The following GTF3C1 variants were observed in gnomAD, a reference collection of about 807,000 sequenced individuals.
GTF3C1 encodes the protein general transcription factor IIIC subunit 1, also known as general transcription factor 3C polypeptide 1.
Under a neutral mutation model 226.7 loss-of-function variants are expected in GTF3C1, and 57 were observed. The ratio of observed to expected loss-of-function variants is 0.25; its 90% CI spans 0.20 to 0.31. The LOEUF (loss-of-function observed/expected upper bound fraction) is 0.31. GTF3C1 is among the 10% of genes least tolerant of loss of function. The pLI is 1.00. For synonymous variants in GTF3C1, 1,090 were observed against 1,084.8 expected (o/e 1.00, Z -0.09); for missense variants, 2,217 against 2,776.1 (o/e 0.80, Z 4.53).
rs775470408 is a variant in GTF3C1, at chr16:27,495,339, T to G, written c.2504A>C (p.Glu835Ala). The G allele has an allele frequency of 6.2e-7, 1 of 1,614,130 alleles. No individual in the cohort carries two copies. Among genetic ancestry groups the G allele is most frequent in the Non-Finnish European group, 8.5e-7 (1 of 1,179,976 alleles). The change falls in exon 15 of 37, where the codon GAG becomes GCG. Residue 835 changes from glutamate to alanine, a missense_variant. This residue lies in a region of GTF3C1 where 353 missense variants were observed against 411.7 expected (regional missense o/e 0.86). Coordinates refer to ENST00000356183, the MANE Select transcript of GTF3C1 (RefSeq NM_001520.4). The stretch of plus-strand genomic sequence containing the variant: ...CGGCCGGACGCCTGCCCTGCCTGAC[T>G]CCTGCTTTATCGTTCTCCGTTCACT... ...FISERRTIKQESGRAGVRPSS... is the reference protein window; with the variant it reads ...FISERRTIKQASGRAGVRPSS...
Position 27,494,630 on chromosome 16 carries a change from T to C in GTF3C1, c.2778+133A>G, listed in dbSNP as rs1467304932. On this transcript the variant is annotated intron_variant, in intron 16 of 36. Coordinates refer to ENST00000356183, the MANE Select transcript of GTF3C1 (RefSeq NM_001520.4). ...TTTCCCTTGAATGAGCATCTGCCTA[T>C]CCATCTATCCACCAATCCATTCATC... 16 of 641,016 alleles carry C rather than the reference T, an allele frequency of 2.5e-5. No individual in the cohort carries two copies. In the East Asian group the frequency reaches 3.9e-4, roughly 16 times the overall value. The allele number at this position is 641,016 out of a possible 1,614,324, so 39.7% of individuals were successfully genotyped here.
At chr16:27,549,913 CG>C (rs1360809480), upstream of GTF3C1, 2 of 1,589,956 alleles carry the variant, frequency 1.3e-6, no homozygotes. Context: ...CGGCGGCGCC[CG>C]GGGCGCATGC....
At chr16:27,532,690 C>T (rs2088937206) in intron 5 of GTF3C1, among the ~76,000 whole-genome samples, 1 of 152,140 alleles carries the variant, frequency 6.6e-6, no homozygotes, top group Non-Finnish European at 1.5e-5. Flanking sequence ...CCACTGGGAA[C>T]AAGATCATAA....
chr16:27,487,776 G>C (rs1444827019), intron 23 of GTF3C1, among the ~76,000 whole-genome samples: 1 of 151,928 alleles, frequency 6.6e-6, no homozygotes, highest in South Asian at 2.1e-4. Context: ...CTGGGCAACA[G>C]AGTGAGACTC....
chr16:27,519,386 A>G (rs553217624), intron 6 of GTF3C1, among the ~76,000 whole-genome samples: 1 of 152,306 alleles, frequency 6.6e-6, no homozygotes, highest in African/African-American at 2.4e-5. Flanking sequence ...TGCAGTGGAC[A>G]TGGAAGCTGG....
intron 16 of GTF3C1, among the ~76,000 whole-genome samples, chr16:27,494,422 A>C (rs1009417746): frequency 1.3e-5 from 2 of 150,432 alleles, no homozygotes; most frequent in African/African-American, 4.9e-5. Context: ...ACAAAAAAAA[A>C]AAACAAAAAA....
chr16:27,489,121 T>C lies in GTF3C1; in HGVS notation c.3351A>G (p.Ala1117=), dbSNP rs2088191521. The stretch of plus-strand genomic sequence containing the variant: ...GTCCGTAGAAGCTGGAATCGAGCCC[T>C]GCGGCACCCAGCCCATCTCCAGGGA... ...GLIPGDGLGA[A]GLDSSFYGHL... Residue 1117 remains alanine (A), a synonymous_variant, in exon 21 of 37, where the codon GCA becomes GCG. Transcript: ENST00000356183. The C allele has an allele frequency of 1.2e-6, 2 of 1,613,976 alleles. No individual in the cohort carries two copies. The highest frequency in any genetic ancestry group is 1.3e-5 in the African/African-American group (1 of 75,030).
rs1252028064 is a variant in GTF3C1 at position 27,464,686 on chromosome 16, G to T, written c.5506C>A (p.Pro1836Thr). 1.3e-6 allele frequency: 2 copies of T among 1,592,478 alleles called. No homozygotes were observed. Among genetic ancestry groups the T allele is most frequent in the Admixed American group, 1.8e-5 (1 of 57,034 alleles). The part of the protein sequence containing the change: ...DIQREDPQAR[P>T]LEGSSSEDSP... ...TCCTCACTGGAAGACCCCTCCAGGGGTCTGGCCTGGGGGTCTTCTCTCTGG... is the reference window on the plus strand; with the variant it reads ...TCCTCACTGGAAGACCCCTCCAGGGTTCTGGCCTGGGGGTCTTCTCTCTGG... Residue 1836 changes from proline to threonine, a missense_variant, in exon 34 of 37, where the codon CCC becomes ACC. By Grantham distance (38) the Pro-to-Thr change is conservative (BLOSUM62 -1). Around this residue, in one of 12 missense-constraint regions of GTF3C1, gnomAD observed 455 missense variants for 441.9 expected, o/e 1.03. Transcript: ENST00000356183.
chr16:27,488,145 G>T, intron 23 of GTF3C1, 82 bp downstream of exon 23: 2 of 1,242,956 alleles, frequency 1.6e-6, no homozygotes, highest in African/African-American at 1.5e-5. Context: ...CAGAGCTCAG[G>T]CCTGGCTGGA....
Position 27,508,474 on chromosome 16 carries a change from C to T in GTF3C1, c.1242+66G>A, listed in dbSNP as rs1443334084. On this transcript the variant is annotated intron_variant, in intron 8 of 36. Transcript: ENST00000356183. ...CATCGAGTCTTCTGACTGAGATGCT[C>T]GTTCTCAAATACACTGCAAGCACCT... The T allele has an allele frequency of 4.5e-5, 56 of 1,237,842 alleles. 1 individual carries two copies. The highest frequency in any genetic ancestry group is 1.9e-4 in the Middle Eastern group (1 of 5,356). 76.7% of individuals were successfully genotyped at this position (1,237,842 alleles called of 1,614,324 possible).
chr16:27,469,067 G>A lies in GTF3C1; in HGVS notation c.5074+224C>T, dbSNP rs1051422791. On this transcript the variant is annotated intron_variant, in intron 32 of 36. Coordinates refer to ENST00000356183, the MANE Select transcript of GTF3C1 (RefSeq NM_001520.4). The surrounding 1 kb of genome is among the most constrained non-coding windows in gnomAD (Gnocchi z 4.5). ...GCCTGCAGCACAGCTGTGACTAAAA[G>A]AGGCGGTGCGGGGAGCTTTCCCACA... is the stretch of plus-strand genomic sequence containing the variant. 5.9e-5 allele frequency among the ~76,000 whole-genome samples: 9 copies of A among 152,254 alleles called. No individual in the cohort carries two copies. The highest frequency in any genetic ancestry group is 1.9e-4 in the African/African-American group (8 of 41,472).
At chr16:27,498,926 G>C (rs1291132704) in intron 12 of GTF3C1, among the ~76,000 whole-genome samples, 193 bp from the exon 13 acceptor site, 1 of 152,196 alleles carries the variant, frequency 6.6e-6, no homozygotes, top group Non-Finnish European at 1.5e-5. Flanking sequence ...AATTCCTCAA[G>C]TGACCAAGCG....
rs368932572 is a variant in GTF3C1, at chr16:27,511,093, T to C, written c.1126+656A>G. On this transcript the variant is annotated intron_variant, in intron 7 of 36. Transcript: ENST00000356183. ...GGGATACCCAGATCACTGGTCAGGTTTTATCTCTGGGTGTGTCTGTGATGG... is the reference window on the plus strand; with the variant it reads ...GGGATACCCAGATCACTGGTCAGGTCTTATCTCTGGGTGTGTCTGTGATGG... Among the ~76,000 whole-genome samples the C allele has an allele frequency of 7.2e-4, 109 of 152,316 alleles. 3 individuals are homozygous for C. In the South Asian group the frequency reaches 0.022, roughly 31 times the overall value.
intron 1 of GTF3C1, among the ~76,000 whole-genome samples, chr16:27,548,830 A>G (rs2089211777): frequency 6.6e-6 from 1 of 152,178 alleles, no homozygotes; most frequent in Non-Finnish European, 1.5e-5. Context: ...AGTGAGTTTA[A>G]GCTCCTAAAG....
intron 1 of GTF3C1, among the ~76,000 whole-genome samples, chr16:27,546,241 C>A (rs1456587744): frequency 6.6e-6 from 1 of 152,146 alleles, no homozygotes; most frequent in Non-Finnish European, 1.5e-5. Context: ...TTACCGCCTG[C>A]ATGTTAACAA....
At position 27,478,486 on chromosome 16, in the gene GTF3C1, T is replaced by C; in HGVS notation, c.4242A>G (p.Lys1414=). The C allele has an allele frequency of 1.2e-6, 2 of 1,609,338 alleles. No homozygotes were observed. The highest frequency in any genetic ancestry group is 1.7e-6 in the Non-Finnish European group (2 of 1,175,638). The stretch of plus-strand genomic sequence containing the variant: ...GTACTTACCTGTTAAGTTCATCCTC[T>C]TTCCTGGTTTGATCTTTTTCATCCC... ...AIGDEKDQTR[K]EDELNSVDDI... Residue 1414 remains lysine, a synonymous_variant, in exon 28 of 37, where the codon AAA becomes AAG. Transcript: ENST00000356183.
At position 27,497,830 on chromosome 16, in the gene GTF3C1, C is replaced by A; in HGVS notation, c.2166-9G>T. 6.2e-7 allele frequency: 1 copy of A among 1,604,856 alleles called. No individual in the cohort carries two copies. Among genetic ancestry groups the A allele is most frequent in the Non-Finnish European group, 8.5e-7 (1 of 1,174,276 alleles). On this transcript the variant is annotated splice_polypyrimidine_tract_variant and intron_variant, in intron 13 of 36. Coordinates refer to ENST00000356183, the MANE Select transcript of GTF3C1 (RefSeq NM_001520.4). ...GCTGGGAAGTTTTAACCCTGCAGTT[C>A]AAATAAACATGCAATAATGTACTGA...
chr16:27,525,405 A>C (rs1168318620), intron 6 of GTF3C1, among the ~76,000 whole-genome samples: 2 of 152,232 alleles, frequency 1.3e-5, no homozygotes, highest in Non-Finnish European at 2.9e-5. Context: ...AGAATGTGTT[A>C]AACACTAGGA....
chr16:27,509,435 G>C (rs919201140), intron 7 of GTF3C1, among the ~76,000 whole-genome samples: 1 of 152,174 alleles, frequency 6.6e-6, no homozygotes, highest in African/African-American at 2.4e-5. Flanking sequence ...AGGCAGACTT[G>C]GTTGCAAAGC....
Sources: gnomAD v4.1 joint callset for allele counts (sites outside exome capture counted in the v4.1 genomes callset) on GRCh38, gnomAD v4.1.1 for gene constraint, gnomAD v4.1.1 regional missense constraint, Gnocchi (gnomAD v3.1) non-coding constraint, MANE v1.5 for transcripts, NCBI Gene and HGNC (gene_info 2026-07-23, HGNC 2026-07-21) for gene names.